GRK3: variants seen among roughly 807,000 people sequenced by gnomAD.
GRK3 encodes adrenergic, beta, receptor kinase 2.
Under a neutral mutation model 95.7 loss-of-function variants are expected in GRK3, and 54 were observed. That is an observed-to-expected ratio of 0.56 (90% CI 0.45 to 0.71). The LOEUF is 0.71. Among genes scored for constraint, GRK3 ranks in the 30% least tolerant of loss-of-function variants. The probability of loss-of-function intolerance (pLI) is 0.00; values close to 1 mark genes in which losing one functional copy is unlikely to be tolerated. For synonymous variants in GRK3, 281 were observed against 290.8 expected, an observed-to-expected ratio of 0.97 and a Z score of 0.34; for missense variants, 649 against 851.2, an observed-to-expected ratio of 0.76 and a Z score of 2.96.
At chr22:25,697,019 G>A (rs1221584814) in intron 13 of GRK3, among the ~76,000 whole-genome samples, 11 of 152,188 alleles carry the variant, frequency 7.2e-5, no homozygotes, top group East Asian at 1.9e-4. Context: ...ACACCCAGGA[G>A]ATCTTTATTT....
chr22:25,658,248 G>T (rs1601506968), intron 3 of GRK3, among the ~76,000 whole-genome samples: 1 of 152,080 alleles, frequency 6.6e-6, no homozygotes, highest in South Asian at 2.1e-4. Context: ...AATAATTTTA[G>T]CTTGTATCTT....
rs73415106 is a variant in GRK3 at position 25,652,808 on chromosome 22, C to T, written c.264+8143C>T. Among the ~76,000 whole-genome samples, 816 of 152,164 alleles carry T rather than the reference C, an allele frequency of 5.4e-3. 4 individuals are homozygous for T. The highest frequency in any genetic ancestry group is 0.019 in the African/African-American group (784 of 41,492). ...CTTTTCAGTAAAAGGTACGTATATTCAAAAGGTAAGTATATTCAAATGGTA... is the reference window on the plus strand; with the variant it reads ...CTTTTCAGTAAAAGGTACGTATATTTAAAAGGTAAGTATATTCAAATGGTA... On this transcript the variant is annotated intron_variant, in intron 3 of 20. Coordinates refer to ENST00000324198, the MANE Select transcript of GRK3 (RefSeq NM_005160.4).
chr22:25,577,824 T>A (rs1931959266), intron 1 of GRK3, among the ~76,000 whole-genome samples: 1 of 152,246 alleles, frequency 6.6e-6, no homozygotes, highest in South Asian at 2.1e-4. Context: ...TGGGTCTATG[T>A]GTGAGCCTTT....
Position 25,722,932 on chromosome 22 carries a change from GTTAAAAGTTGAAGATATTTTCTGATGATA to G in GRK3, c.*502_*530del, listed in dbSNP as rs1420182458. 6.6e-6 allele frequency: 1 copy of G among 152,452 alleles called. No homozygotes were observed. 9.4% of individuals were successfully genotyped at this position (152,452 alleles called of 1,614,324 possible). A position where few individuals can be genotyped will look rare whatever the true frequency, so the allele number is the denominator to read the frequency against. ...TTCGCAACTGACTTCTTGTCCTGGG[GTTAAAAGTTGAAGATATTTTCTGATGATA>G]TTAAAAGTTGAAGATATTTCTGCAC... On this transcript the variant is annotated 3_prime_UTR_variant, in exon 21 of 21. Coordinates refer to ENST00000324198, the MANE Select transcript of GRK3 (RefSeq NM_005160.4).
intron 17 of GRK3, 39 bp downstream of exon 17, chr22:25,711,202 G>A (rs2085341436): frequency 1.4e-6 from 2 of 1,398,238 alleles, no homozygotes; most frequent in Non-Finnish European, 2.0e-6. Context: ...TTTTATTTTT[G>A]GATGGGATGA....
chr22:25,638,639 G>T (rs939249476), intron 2 of GRK3, among the ~76,000 whole-genome samples: 9 of 152,120 alleles, frequency 5.9e-5, no homozygotes, highest in Admixed American at 2.6e-4. Flanking sequence ...TAGTAATAGT[G>T]GGGGGATACC....
At chr22:25,616,292 A>G (rs1213263625) in intron 2 of GRK3, among the ~76,000 whole-genome samples, 4 of 152,166 alleles carry the variant, frequency 2.6e-5, no homozygotes, top group Non-Finnish European at 5.9e-5. Flanking sequence ...CCTAAGAGGA[A>G]GCATGACTGG....
chr22:25,699,848 G>A (rs1411367538), intron 13 of GRK3, among the ~76,000 whole-genome samples: 9 of 151,972 alleles, frequency 5.9e-5, no homozygotes, highest in Middle Eastern at 3.2e-3. Flanking sequence ...ACAGGCGCCC[G>A]CCACCACGCC....
At chr22:25,607,878 G>C (rs774656834) in intron 2 of GRK3, among the ~76,000 whole-genome samples, 1 of 152,066 alleles carries the variant, frequency 6.6e-6, no homozygotes, top group Non-Finnish European at 1.5e-5. Flanking sequence ...ACCATGCCCG[G>C]CCTTTAATGG....
intron 1 of GRK3, among the ~76,000 whole-genome samples, chr22:25,595,454 G>T (rs961380570): frequency 6.6e-6 from 1 of 152,186 alleles, no homozygotes; most frequent in Non-Finnish European, 1.5e-5. Flanking sequence ...TACTTTTTGT[G>T]TGTAGTATTA....
At chr22:25,713,236 G>T (rs1357057479) in intron 17 of GRK3, among the ~76,000 whole-genome samples, 3 of 151,828 alleles carry the variant, frequency 2.0e-5, no homozygotes, top group African/African-American at 7.3e-5. Context: ...GGACCTTGAG[G>T]TTTTCAACAC....
intron 1 of GRK3, among the ~76,000 whole-genome samples, chr22:25,603,098 G>T (rs1344802927): frequency 6.6e-6 from 1 of 152,060 alleles, no homozygotes; most frequent in Admixed American, 6.6e-5. Context: ...TGTATTTTTA[G>T]TAGAGGCGGG....
chr22:25,668,925 T>A (rs1236404481), intron 6 of GRK3, among the ~76,000 whole-genome samples: 1 of 152,228 alleles, frequency 6.6e-6, no homozygotes, highest in Non-Finnish European at 1.5e-5. Flanking sequence ...TATAGTGATT[T>A]TCGCTCATTG....
rs554774157 is a variant in GRK3, at chr22:25,605,426, C to A, written c.190+973C>A. On this transcript the variant is annotated intron_variant, in intron 2 of 20. Transcript: ENST00000324198. The stretch of plus-strand genomic sequence containing the variant: ...GGTTACTATAAGCTACACAGATGTT[C>A]TCCTTTGCTTCTGATTTTGTGCTAA... Among the ~76,000 whole-genome samples the A allele has an allele frequency of 2.0e-5, 3 of 152,262 alleles. No individual in the cohort carries two copies. The East Asian group carries it at 5.8e-4, about 29-fold the overall frequency.
intron 2 of GRK3, among the ~76,000 whole-genome samples, chr22:25,615,653 C>G (rs199887932): frequency 7.1e-6 from 1 of 141,726 alleles, no homozygotes; most frequent in East Asian, 2.0e-4. Flanking sequence ...ACTGGGGAAT[C>G]CCTTAGGGAA....
intron 15 of GRK3, among the ~76,000 whole-genome samples, chr22:25,707,109 C>T (rs1217224677): frequency 3.3e-5 from 5 of 152,136 alleles, no homozygotes; most frequent in African/African-American, 1.2e-4. Flanking sequence ...GCATGGGCTA[C>T]CATGCCTGTC....
In GRK3 at chr22:25,609,689, G is replaced by T. The variant is rs1278075112; in HGVS notation, c.190+5236G>T. Among the ~76,000 whole-genome samples, 13 of 151,834 alleles carry T rather than the reference G, an allele frequency of 8.6e-5. No homozygotes were observed. The South Asian group carries it at 1.0e-3, about 12-fold the overall frequency. On this transcript the variant is annotated intron_variant, in intron 2 of 20. Coordinates refer to ENST00000324198, the MANE Select transcript of GRK3 (RefSeq NM_005160.4). ...TGTCATTCTCATGTATAAAGAACGTGGTAATATAATATTATATCACATACT... is the reference window on the plus strand; with the variant it reads ...TGTCATTCTCATGTATAAAGAACGTTGTAATATAATATTATATCACATACT...
At chr22:25,650,856 A>T (rs535738420) in intron 3 of GRK3, among the ~76,000 whole-genome samples, 18 of 152,260 alleles carry the variant, frequency 1.2e-4, no homozygotes, top group African/African-American at 4.1e-4. Flanking sequence ...CATTTTTAGA[A>T]CTCCAGTTTT....
intron 3 of GRK3, among the ~76,000 whole-genome samples, chr22:25,646,270 A>G (rs1347471479): frequency 6.6e-6 from 1 of 152,192 alleles, no homozygotes; most frequent in Middle Eastern, 3.2e-3. Flanking sequence ...AGAGAAAAAG[A>G]TGGACAAAAT....
Sources: gnomAD v4.1 joint callset for allele counts (sites outside exome capture counted in the v4.1 genomes callset) on GRCh38, gnomAD v4.1.1 for gene constraint, MANE v1.5 for transcripts, NCBI Gene and HGNC (gene_info 2026-07-23, HGNC 2026-07-21) for gene names.